Variants in SERPINB1 observed in about 807,000 individuals in gnomAD.
SERPINB1 encodes the protein serpin family B member 1.
SERPINB1 carries 23 observed loss-of-function variants against 25.9 expected under a neutral mutation model. The ratio of observed to expected loss-of-function variants is 0.89; its 90% CI spans 0.64 to 1.26. The LOEUF (loss-of-function observed/expected upper bound fraction) is 1.26, where lower values mean the gene tolerates loss of function less well. SERPINB1 is among the 50% of genes most tolerant of loss of function. The probability of loss-of-function intolerance (pLI) is 0.00; values close to 1 mark genes in which losing one functional copy is unlikely to be tolerated. For missense variants in SERPINB1, 399 were observed against 463.6 expected, an observed-to-expected ratio of 0.86 and a Z score of 1.28; for synonymous variants, 178 against 178.7, an observed-to-expected ratio of 1.00 and a Z score of 0.03.
chr6:2,835,308 GAACA>G (rs1310840447), intron 6 of SERPINB1, among the ~76,000 whole-genome samples: 3 of 152,138 alleles, frequency 2.0e-5, no homozygotes, highest in African/African-American at 4.8e-5. Context: ...ATTGTGATGA[GAACA>G]AACAGTGTAA....
chr6:2,839,226 A>C (rs1453856973), intron 2 of SERPINB1: 5 of 651,438 alleles, frequency 7.7e-6, no homozygotes, highest in Non-Finnish European at 9.5e-6. Flanking sequence ...CCCATGTATC[A>C]GTTACAAATC....
At chr6:2,839,381 T>C (rs1381171662) in intron 2 of SERPINB1, 2 of 984,896 alleles carry the variant, frequency 2.0e-6, no homozygotes, top group Non-Finnish European at 2.4e-6. Flanking sequence ...TCTGCTTTAA[T>C]GGAAATGGGG....
At position 2,833,662 on chromosome 6, in the gene SERPINB1, A is replaced by G; in HGVS notation, c.1086T>C (p.Ile362=). 2 of 1,614,202 alleles carry G rather than the reference A, an allele frequency of 1.2e-6. No individual in the cohort carries two copies. Among genetic ancestry groups the G allele is most frequent in the Non-Finnish European group, 1.7e-6 (2 of 1,180,000 alleles). Residue 362 remains isoleucine, a synonymous_variant, in exon 7 of 7, where the codon ATT becomes ATC. Transcript: ENST00000380739. ...FTADHPFLFF[I]RHNSSGSILF... ...GGATGCTACCTGAGGAATTATGCCG[A>G]ATAAAGAAAAGGAATGGATGGTCGG...
intron 1 of SERPINB1, 150 bp from the exon 2 acceptor site, chr6:2,840,744 G>T: frequency 1.4e-6 from 1 of 719,352 alleles, no homozygotes; most frequent in Non-Finnish European, 2.1e-6. Context: ...ATTCCAGCAG[G>T]GCAAGAACAC....
rs924506706 is a variant in SERPINB1 at position 2,833,645 on chromosome 6, C to T, written c.1103G>A (p.Gly368Asp). ...FLFFIRHNSS[G>D]SILFLGRFSS... ...AAATCTCCCCAAGAATAGGATGCTACCTGAGGAATTATGCCGAATAAAGAA... is the reference window on the plus strand; with the variant it reads ...AAATCTCCCCAAGAATAGGATGCTATCTGAGGAATTATGCCGAATAAAGAA... Residue 368 changes from glycine (G) to aspartate (D), a missense_variant, in exon 7 of 7, where the codon GGT becomes GAT. Coordinates refer to ENST00000380739, the MANE Select transcript of SERPINB1 (RefSeq NM_030666.4). The T allele has an allele frequency of 3.1e-6, 5 of 1,613,584 alleles. No homozygotes were observed. The highest frequency in any genetic ancestry group is 3.4e-6 in the Non-Finnish European group (4 of 1,179,724).
At chr6:2,838,051 A>G (rs766199148) in intron 3 of SERPINB1, 52 bp from the exon 4 acceptor site, 81 of 1,253,184 alleles carry the variant, frequency 6.5e-5, no homozygotes, top group Non-Finnish European at 5.6e-5. Context: ...CTACATATAG[A>G]AATTGTTTTC....
chr6:2,838,028 T>C (rs1242274514), intron 3 of SERPINB1, 29 bp from the exon 4 acceptor site: 7 of 1,433,092 alleles, frequency 4.9e-6, no homozygotes, highest in South Asian at 1.2e-5. Flanking sequence ...AGGAAATATA[T>C]ATATAACTCC....
intron 3 of SERPINB1, 40 bp from the exon 4 acceptor site, chr6:2,838,039 T>C (rs368386679): frequency 2.2e-5 from 29 of 1,319,204 alleles, no homozygotes; most frequent in Middle Eastern, 2.3e-4. Flanking sequence ...ATATAACTCC[T>C]ACTACATATA....
rs1191505418 is a variant in SERPINB1, at chr6:2,841,089, C to A, written c.-8-495G>T. 1 of 152,298 alleles carries A rather than the reference C, an allele frequency of 6.6e-6. No homozygotes were observed. The highest frequency in any genetic ancestry group is 1.5e-5 in the Non-Finnish European group (1 of 68,108). The allele number at this position is 152,298 out of a possible 1,614,324, so 9.4% of individuals were successfully genotyped here. ...CAGCTACCTACTATGCATTAAAACT[C>A]CAGCAAAGGTATCACTGTAATTATT... On this transcript the variant is annotated intron_variant, in intron 1 of 6. Transcript: ENST00000380739. The surrounding 1 kb of genome is among the most constrained non-coding windows in gnomAD (Gnocchi z 4.5).
Position 2,837,881 on chromosome 6 carries a change from C to T in SERPINB1, c.424+1G>A, listed in dbSNP as rs1381969336. The stretch of plus-strand genomic sequence containing the variant: ...TGATTCCATTCTGCCCAGGCTCTCA[C>T]CTTCTGTCTGTCCTTTGACCCACTG... On this transcript the variant is annotated splice_donor_variant, in intron 4 of 6. Coordinates refer to ENST00000380739, the MANE Select transcript of SERPINB1 (RefSeq NM_030666.4). LOFTEE classifies it high-confidence loss of function. This position sits in a 1 kb window ranked among gnomAD's most constrained non-coding sequence, Gnocchi z 4.3. The T allele has an allele frequency of 1.2e-6, 2 of 1,608,594 alleles. No homozygotes were observed. Among genetic ancestry groups the T allele is most frequent in the Non-Finnish European group, 1.7e-6 (2 of 1,175,182 alleles).
At chr6:2,834,040 A>G in intron 6 of SERPINB1, 28 bp from the exon 7 acceptor site, 1 of 1,547,580 alleles carries the variant, frequency 6.5e-7, no homozygotes, top group Non-Finnish European at 8.7e-7. Flanking sequence ...GCGAAAGAGG[A>G]AGTGATATCA....
At chr6:2,839,501 T>C (rs571609892) in intron 2 of SERPINB1, 3 of 724,188 alleles carry the variant, frequency 4.1e-6, no homozygotes, top group Admixed American at 8.4e-5. Flanking sequence ...TAACAGAGGT[T>C]TTTTTTTTTT....
chr6:2,837,987 A>C lies in SERPINB1; in HGVS notation c.319T>G (p.Ser107Ala). The C allele has an allele frequency of 6.2e-7, 1 of 1,612,824 alleles. No homozygotes were observed. Among genetic ancestry groups the C allele is most frequent in the Non-Finnish European group, 8.5e-7 (1 of 1,179,180 alleles). Reference protein sequence around the residue: ...TYNFLPEFLVSTQKTYGADLA... With the variant: ...TYNFLPEFLVATQKTYGADLA... ...TCAGCACCATATGTTTTCTGAGTCGAAACCAAGAACTCCTATTAAAAAAAA... is the reference window on the plus strand; with the variant it reads ...TCAGCACCATATGTTTTCTGAGTCGCAACCAAGAACTCCTATTAAAAAAAA... The change falls in exon 4 of 7, where the codon TCG (serine) becomes GCG (alanine). Residue 107 changes from serine (S) to alanine (A), a missense_variant. By Grantham distance (99) the Ser-to-Ala change is moderately conservative (BLOSUM62 1). Transcript: ENST00000380739. The surrounding 1 kb of genome is among the most constrained non-coding windows in gnomAD (Gnocchi z 4.3).
At chr6:2,839,689 T>TAG (rs377056668) in intron 2 of SERPINB1, among the ~76,000 whole-genome samples, 4 of 152,096 alleles carry the variant, frequency 2.6e-5, no homozygotes, top group African/African-American at 7.2e-5. Context: ...CTGCTGAGCT[T>TAG]AGAGAGAGAG....
chr6:2,838,037 C>T (rs1415716000), intron 3 of SERPINB1, 38 bp from the exon 4 acceptor site: 1 of 1,328,482 alleles, frequency 7.5e-7, no homozygotes, highest in East Asian at 2.4e-5. Context: ...ATATATAACT[C>T]CTACTACATA....
rs1373031916 is a variant in SERPINB1 at position 2,834,291 on chromosome 6, C to T, written c.736-279G>A. On this transcript the variant is annotated intron_variant, in intron 6 of 6. Transcript: ENST00000380739. ...TCCACCCATCCATCCACCCATTTGT[C>T]CACTCATCCATCCATCCATCCATCC... 2.1e-5 allele frequency among the ~76,000 whole-genome samples: 3 copies of T among 141,472 alleles called. No individual in the cohort carries two copies. The Admixed American group carries it at 2.2e-4, about 10-fold the overall frequency. 92.8% of individuals were successfully genotyped at this position (141,472 alleles called of 152,430 possible).
chr6:2,833,810 A>T lies in SERPINB1; in HGVS notation c.938T>A (p.Ile313Asn). Reference sequence around the variant, plus strand: ...CTTGTGGACAATTTTTGATATAAAAATATCTCTGGCTCCTGACATGCCAGA... The same window carrying T: ...CTTGTGGACAATTTTTGATATAAAATTATCTCTGGCTCCTGACATGCCAGA... ...DLSGMSGARD[I>N]FISKIVHKSF... is the part of the protein sequence containing the mutation. Residue 313 changes from isoleucine to asparagine, a missense_variant, in exon 7 of 7, where the codon ATT becomes AAT. Ile to Asn is a moderately radical substitution (Grantham distance 149). Transcript: ENST00000380739. 1 of 1,614,184 alleles carries T rather than the reference A, an allele frequency of 6.2e-7. No individual in the cohort carries two copies. The highest frequency in any genetic ancestry group is 8.5e-7 in the Non-Finnish European group (1 of 1,180,022).
intron 2 of SERPINB1, chr6:2,839,529 C>T (rs1766586949): frequency 1.0e-6 from 1 of 956,724 alleles, no homozygotes; most frequent in Non-Finnish European, 1.2e-6. Flanking sequence ...TTAAAAAAAA[C>T]ATTTAAAATG....
At chr6:2,840,278 G>A in intron 2 of SERPINB1, 141 bp downstream of exon 2, 1 of 986,150 alleles carries the variant, frequency 1.0e-6, no homozygotes, top group Non-Finnish European at 1.5e-6. Context: ...ATACAAGTGT[G>A]ACTTTTCTGA....
Sources: gnomAD v4.1 joint callset for allele counts (sites outside exome capture counted in the v4.1 genomes callset) on GRCh38, gnomAD v4.1.1 for gene constraint, Gnocchi (gnomAD v3.1) non-coding constraint, MANE v1.5 for transcripts, NCBI Gene and HGNC (gene_info 2026-07-23, HGNC 2026-07-21) for gene names.